Variants in ALDH8A1 observed in about 807,000 individuals in gnomAD.
ALDH8A1 encodes the protein 2-aminomuconic semialdehyde dehydrogenase.
In ALDH8A1, 39 loss-of-function variants were observed where a neutral mutation model predicts 43.3. That is an observed-to-expected ratio of 0.90 (90% confidence interval 0.70 to 1.18). The LOEUF is 1.18. Among genes scored for constraint, ALDH8A1 ranks in the 50% most tolerant of loss-of-function variants. ALDH8A1 has a pLI of 0.00. For missense variants in ALDH8A1, 605 were observed against 622.6 expected (o/e 0.97, Z 0.30); for synonymous variants, 233 against 243.5 (o/e 0.96, Z 0.40).
chr6:134,933,101 C>T (rs975823060), intron 4 of ALDH8A1, 69 bp from the exon 5 acceptor site: 2 of 1,459,964 alleles, frequency 1.4e-6, no homozygotes, highest in African/African-American at 2.8e-5. Context: ...CTTGGAAATT[C>T]TCCTTTAAAG....
At chr6:134,932,564 G>A (rs565398603) in intron 5 of ALDH8A1, among the ~76,000 whole-genome samples, 1 of 152,258 alleles carries the variant, frequency 6.6e-6, no homozygotes, top group South Asian at 2.1e-4. Context: ...CTCAAGAAGA[G>A]GAGTTTGCTG....
intron 5 of ALDH8A1, among the ~76,000 whole-genome samples, chr6:134,930,624 AC>A (rs1360855757): frequency 6.6e-6 from 1 of 152,204 alleles, no homozygotes; most frequent in East Asian, 1.9e-4. Flanking sequence ...TCTTTTTGCA[AC>A]CAGGATCGCT....
In ALDH8A1 at chr6:134,946,449, T is replaced by A. The variant is rs536091544; in HGVS notation, c.139-2483A>T. Among the ~76,000 whole-genome samples the A allele has an allele frequency of 2.0e-5, 3 of 152,392 alleles. No homozygotes were observed. The South Asian group carries it at 6.2e-4, about 32-fold the overall frequency. Reference sequence around the variant, plus strand: ...CTAAGTTGCCTTATAGCACAACTTATGTCCATGTAATATAGAATACATATT... The same window carrying A: ...CTAAGTTGCCTTATAGCACAACTTAAGTCCATGTAATATAGAATACATATT... On this transcript the variant is annotated intron_variant, in intron 1 of 6. Coordinates refer to ENST00000265605, the MANE Select transcript of ALDH8A1 (RefSeq NM_022568.4).
intron 6 of ALDH8A1, among the ~76,000 whole-genome samples, chr6:134,923,926 T>C (rs1041156041): frequency 2.6e-5 from 4 of 152,182 alleles, no homozygotes; most frequent in Non-Finnish European, 5.9e-5. Flanking sequence ...AAATTAGTTG[T>C]AAAAATATTA....
chr6:134,933,102 T>G, intron 4 of ALDH8A1, 70 bp from the exon 5 acceptor site: 1 of 1,451,814 alleles, frequency 6.9e-7, no homozygotes, highest in Non-Finnish European at 9.1e-7. Context: ...TTGGAAATTC[T>G]CCTTTAAAGT....
intron 5 of ALDH8A1, among the ~76,000 whole-genome samples, chr6:134,931,707 T>C (rs1283502766): frequency 6.6e-6 from 1 of 152,248 alleles, no homozygotes; most frequent in East Asian, 1.9e-4. Flanking sequence ...ATGATTAAAT[T>C]AGTTGTATTG....
At chr6:134,937,635 G>C (rs1359546386) in intron 4 of ALDH8A1, among the ~76,000 whole-genome samples, 1 of 152,176 alleles carries the variant, frequency 6.6e-6, no homozygotes, top group African/African-American at 2.4e-5. Context: ...GTGGTTAAGG[G>C]AACACGGCTC....
chr6:134,921,361 A>G (rs933929069), intron 6 of ALDH8A1, among the ~76,000 whole-genome samples: 1 of 152,230 alleles, frequency 6.6e-6, no homozygotes, highest in African/African-American at 2.4e-5. Flanking sequence ...GTAGGCAGCT[A>G]CACAGCCAGA....
At chr6:134,937,944 T>G (rs1773774811) in intron 4 of ALDH8A1, among the ~76,000 whole-genome samples, 1 of 151,976 alleles carries the variant, frequency 6.6e-6, no homozygotes, top group South Asian at 2.1e-4. Flanking sequence ...TGGAGGACCC[T>G]GGGATCGTAA....
chr6:134,935,958 T>C (rs1252112883), intron 4 of ALDH8A1, among the ~76,000 whole-genome samples: 1 of 151,348 alleles, frequency 6.6e-6, no homozygotes, highest in Non-Finnish European at 1.5e-5. Flanking sequence ...CACTTCTTTT[T>C]TTTTTTTTTT....
intron 6 of ALDH8A1, among the ~76,000 whole-genome samples, chr6:134,926,234 C>T (rs1194705298): frequency 3.8e-5 from 5 of 131,874 alleles, no homozygotes; most frequent in African/African-American, 5.9e-5. Flanking sequence ...TTTGAGACAG[C>T]GTCTCATTCT....
chr6:134,936,548 T>C (rs1343695809), intron 4 of ALDH8A1, among the ~76,000 whole-genome samples: 1 of 152,180 alleles, frequency 6.6e-6, no homozygotes, highest in Middle Eastern at 3.2e-3. Context: ...GGTGGACTGT[T>C]AGGCTTTATC....
intron 6 of ALDH8A1, among the ~76,000 whole-genome samples, chr6:134,926,888 T>C (rs1291617189): frequency 6.6e-6 from 1 of 152,088 alleles, no homozygotes; most frequent in African/African-American, 2.4e-5. Flanking sequence ...TTGGATGCCA[T>C]TGGACCACTT....
chr6:134,933,909 ATGT>A (rs1418314819), intron 4 of ALDH8A1, among the ~76,000 whole-genome samples: 2 of 152,048 alleles, frequency 1.3e-5, no homozygotes, highest in Non-Finnish European at 2.9e-5. Flanking sequence ...GGATTTCATC[ATGT>A]TGGCCAGGCT....
chr6:134,932,728 G>C (rs370897781), intron 5 of ALDH8A1, 48 bp downstream of exon 5: 8 of 1,594,126 alleles, frequency 5.0e-6, no homozygotes, highest in African/African-American at 2.7e-5. Context: ...AACAGATCCA[G>C]CTTGACAGGG....
intron 6 of ALDH8A1, among the ~76,000 whole-genome samples, chr6:134,927,570 CTT>C (rs1776907072): frequency 6.6e-6 from 1 of 152,042 alleles, no homozygotes; most frequent in Admixed American, 6.5e-5. Flanking sequence ...AAAGTCAATA[CTT>C]TTATTTGTTT....
At chr6:134,922,165 G>A (rs1307470148) in intron 6 of ALDH8A1, among the ~76,000 whole-genome samples, 1 of 152,176 alleles carries the variant, frequency 6.6e-6, no homozygotes, top group Non-Finnish European at 1.5e-5. Context: ...ATCCTCCTGA[G>A]GCTTTATACA....
intron 4 of ALDH8A1, among the ~76,000 whole-genome samples, chr6:134,938,036 G>A (rs1773776842): frequency 6.6e-6 from 1 of 152,206 alleles, no homozygotes; most frequent in African/African-American, 2.4e-5. Flanking sequence ...GGGTTTACTG[G>A]AAGTTAATGT....
Position 134,942,477 on chromosome 6 carries a change from G to T in ALDH8A1, c.374C>A (p.Thr125Lys). The T allele has an allele frequency of 1.2e-6, 2 of 1,614,190 alleles. No individual in the cohort carries two copies. Among genetic ancestry groups the T allele is most frequent in the South Asian group, 1.1e-5 (1 of 91,058 alleles). Residue 125 changes from threonine to lysine, a missense_variant, in exon 3 of 7, where the codon ACG becomes AAG. Thr to Lys is a moderately conservative substitution (Grantham distance 78, BLOSUM62 -1). Transcript: ENST00000265605. ...GTGGTCCATCTGCGTGCACTCTGAC[G>T]TGTGGTGCAGGCTGGAGGAAGCGAA... ...RFFASSSLHHTSECTQMDHLG... is the reference protein window; with the variant it reads ...RFFASSSLHHKSECTQMDHLG...
Sources: gnomAD v4.1 joint callset for allele counts (sites outside exome capture counted in the v4.1 genomes callset) on GRCh38, gnomAD v4.1.1 for gene constraint, MANE v1.5 for transcripts, NCBI Gene and HGNC (gene_info 2026-07-23, HGNC 2026-07-21) for gene names.